CLEC16A: variants seen among roughly 807,000 people sequenced by gnomAD.
CLEC16A encodes C-type lectin domain containing 16A, also known as protein CLEC16A.
In CLEC16A, 51 loss-of-function variants were observed where a neutral mutation model predicts 109.5. That is an observed-to-expected ratio of 0.47 (90% CI 0.37 to 0.59). The LOEUF is 0.59. Ranked by LOEUF, CLEC16A falls within the 20% of genes least tolerant of loss-of-function variation. The pLI is 0.00. For missense variants in CLEC16A, 1,339 were observed against 1,394.0 expected, an observed-to-expected ratio of 0.96 and a Z score of 0.63; for synonymous variants, 673 against 564.2, an observed-to-expected ratio of 1.19 and a Z score of -2.73.
At chr16:11,130,635 C>T (rs1158931950) in intron 22 of CLEC16A, among the ~76,000 whole-genome samples, 1 of 152,238 alleles carries the variant, frequency 6.6e-6, no homozygotes, top group Admixed American at 6.5e-5. Flanking sequence ...GCCTCTGATA[C>T]TGTGACATGT....
intron 15 of CLEC16A, among the ~76,000 whole-genome samples, chr16:11,043,341 T>C (rs1213382930): frequency 6.6e-6 from 1 of 152,112 alleles, no homozygotes; most frequent in African/African-American, 2.4e-5. Flanking sequence ...ACCCAGGAGT[T>C]TGAGACTGCA....
intron 22 of CLEC16A, among the ~76,000 whole-genome samples, chr16:11,137,988 C>A (rs748352409): frequency 9.2e-5 from 14 of 152,200 alleles, no homozygotes; most frequent in Non-Finnish European, 2.1e-4. Flanking sequence ...TGGCCGTTTC[C>A]TTCATGCTGC....
chr16:11,077,340 C>T (rs1156743769), intron 19 of CLEC16A, among the ~76,000 whole-genome samples: 1 of 151,958 alleles, frequency 6.6e-6, no homozygotes, highest in Non-Finnish European at 1.5e-5. Context: ...GATGTGGTGG[C>T]ATGCGCCTGT....
chr16:10,982,002 G>C (rs1235528518), intron 9 of CLEC16A, among the ~76,000 whole-genome samples: 1 of 152,234 alleles, frequency 6.6e-6, no homozygotes, highest in African/African-American at 2.4e-5. Flanking sequence ...CAAATTGTCA[G>C]CAGTGCCAAG....
At chr16:11,084,233 A>G (rs2049888243) in intron 19 of CLEC16A, among the ~76,000 whole-genome samples, 1 of 151,696 alleles carries the variant, frequency 6.6e-6, no homozygotes, top group Non-Finnish European at 1.5e-5. Flanking sequence ...GACACCTTCA[A>G]CTCTGCAGAC....
At chr16:11,075,706 G>A (rs1456235161) in intron 19 of CLEC16A, among the ~76,000 whole-genome samples, 2 of 152,026 alleles carry the variant, frequency 1.3e-5, no homozygotes, top group Non-Finnish European at 2.9e-5. Flanking sequence ...CAAAGTGCTG[G>A]GATTACAGGT....
chr16:11,178,996 C>T lies in CLEC16A; in HGVS notation c.*306C>T, dbSNP rs1175364998. Reference sequence around the variant, plus strand: ...GTCTCTGAGCCCCGGGTGGCAGGACCCACCGGCACCTCTTTCTTCCTCTGT... The same window carrying T: ...GTCTCTGAGCCCCGGGTGGCAGGACTCACCGGCACCTCTTTCTTCCTCTGT... On this transcript the variant is annotated 3_prime_UTR_variant, in exon 24 of 24. Coordinates refer to ENST00000409790, the MANE Select transcript of CLEC16A (RefSeq NM_015226.3). The surrounding 1 kb of genome is among the most constrained non-coding windows in gnomAD (Gnocchi z 6.5). The T allele has an allele frequency of 1.5e-5, 5 of 339,844 alleles. No individual in the cohort carries two copies. Among genetic ancestry groups the T allele is most frequent in the Admixed American group, 4.7e-5 (1 of 21,352 alleles). 21.1% of individuals were successfully genotyped at this position (339,844 alleles called of 1,614,324 possible). A position where few individuals can be genotyped will look rare whatever the true frequency, so the allele number is the denominator to read the frequency against.
rs562641140 is a variant in CLEC16A at position 11,075,561 on chromosome 16, A to G, written c.2116+14539A>G. On this transcript the variant is annotated intron_variant, in intron 19 of 23. Coordinates refer to ENST00000409790, the MANE Select transcript of CLEC16A (RefSeq NM_015226.3). ...AAGGGCTCCTCCCACCTTAGCCTCTAGAGTAGCTGGGACCACAGGCATGTG... is the reference window on the plus strand; with the variant it reads ...AAGGGCTCCTCCCACCTTAGCCTCTGGAGTAGCTGGGACCACAGGCATGTG... 6.6e-5 allele frequency among the ~76,000 whole-genome samples: 10 copies of G among 152,062 alleles called. No individual in the cohort carries two copies. The South Asian group carries it at 2.1e-3, about 32-fold the overall frequency.
intron 13 of CLEC16A, among the ~76,000 whole-genome samples, chr16:11,032,802 A>T (rs2046819033): frequency 6.6e-6 from 1 of 152,210 alleles, no homozygotes; most frequent in South Asian, 2.1e-4. Context: ...AAGTGGGCCA[A>T]GGTGAGGCTG....
chr16:11,027,802 A>T lies in CLEC16A; in HGVS notation c.1537+2881A>T, dbSNP rs532789941. The T allele has an allele frequency of 5.9e-6, 5 of 848,856 alleles. No homozygotes were observed. The African/African-American group carries it at 8.3e-5, about 14-fold the overall frequency. The allele number at this position is 848,856 out of a possible 1,614,324, so 52.6% of individuals were successfully genotyped here. A position where few individuals can be genotyped will look rare whatever the true frequency, so the allele number is the denominator to read the frequency against. On this transcript the variant is annotated intron_variant, in intron 13 of 23. Transcript: ENST00000409790. The stretch of plus-strand genomic sequence containing the variant: ...AACTGCAGTATATTTTTGATCAATG[A>T]AGTGGAAGCATGTGTTTTGTTGTTT...
intron 22 of CLEC16A, among the ~76,000 whole-genome samples, chr16:11,136,581 C>T (rs2053574426): frequency 6.6e-6 from 1 of 152,190 alleles, no homozygotes; most frequent in South Asian, 2.1e-4. Flanking sequence ...ATGCAGTAGT[C>T]CTTCTGCTGT....
At chr16:11,121,613 C>T (rs2052414273) in intron 20 of CLEC16A, among the ~76,000 whole-genome samples, 2 of 151,680 alleles carry the variant, frequency 1.3e-5, no homozygotes, top group South Asian at 4.1e-4. Context: ...GACGTGGTGG[C>T]TCGTGTCTGT....
intron 2 of CLEC16A, among the ~76,000 whole-genome samples, chr16:10,960,800 C>T (rs2042216972): frequency 6.6e-6 from 1 of 152,176 alleles, no homozygotes. Context: ...TTTATTTATA[C>T]TTTGGGCTAT....
intron 15 of CLEC16A, among the ~76,000 whole-genome samples, chr16:11,042,841 T>C (rs1402824082): frequency 6.6e-6 from 1 of 151,120 alleles, no homozygotes; most frequent in Non-Finnish European, 1.5e-5. Flanking sequence ...TTTGTCTGTG[T>C]CTGTGCACAC....
intron 7 of CLEC16A, among the ~76,000 whole-genome samples, chr16:10,975,705 T>C (rs1433320374): frequency 6.6e-6 from 1 of 152,136 alleles, no homozygotes; most frequent in East Asian, 1.9e-4. Context: ...TGGAGTGCAA[T>C]AGTGCAATCT....
chr16:11,164,008 G>T (rs1384381918), intron 22 of CLEC16A, among the ~76,000 whole-genome samples: 1 of 152,192 alleles, frequency 6.6e-6, no homozygotes, highest in East Asian at 1.9e-4. Flanking sequence ...CTGCGGCTGA[G>T]TGTCCCCAAG....
intron 19 of CLEC16A, among the ~76,000 whole-genome samples, chr16:11,093,745 G>C (rs1261445857): frequency 6.6e-6 from 1 of 152,226 alleles, no homozygotes; most frequent in African/African-American, 2.4e-5. Context: ...ATATGAGGGT[G>C]TGGCAGTGCA....
Position 10,961,020 on chromosome 16 carries a change from C to G in CLEC16A, c.210-1435C>G, listed in dbSNP as rs529908044. Among the ~76,000 whole-genome samples, 1 of 152,200 alleles carries G rather than the reference C, an allele frequency of 6.6e-6. No individual in the cohort carries two copies. Among genetic ancestry groups the G allele is most frequent in the South Asian group, 2.1e-4 (1 of 4,824 alleles). ...ACTCCCCTATGGAGTTTTAAAAAAT[C>G]TAGGTTCATGGATTTTATGCTAGAC... On this transcript the variant is annotated intron_variant, in intron 2 of 23. Transcript: ENST00000409790. The surrounding 1 kb of genome is among the most constrained non-coding windows in gnomAD (Gnocchi z 4.3).
At chr16:11,006,766 G>C (rs545850269) in intron 11 of CLEC16A, among the ~76,000 whole-genome samples, 1 of 152,218 alleles carries the variant, frequency 6.6e-6, no homozygotes, top group African/African-American at 2.4e-5. Flanking sequence ...ACCTCCTCCA[G>C]ATTTAAGCTC....
Sources: allele counts gnomAD v4.1 joint callset (sites outside exome capture counted in the v4.1 genomes callset), GRCh38; gene constraint gnomAD v4.1.1; non-coding constraint Gnocchi (gnomAD v3.1); transcripts MANE v1.5; gene names NCBI Gene and HGNC (gene_info 2026-07-23, HGNC 2026-07-21).